The following GOLPH3L variants were observed in gnomAD, a reference collection of about 807,000 sequenced individuals.
GOLPH3L encodes the protein golgi phosphoprotein 3 like.
GOLPH3L carries 22 observed loss-of-function variants against 30.3 expected under a neutral mutation model. The ratio of observed to expected loss-of-function variants is 0.73; its 90% CI spans 0.52 to 1.04. The LOEUF (loss-of-function observed/expected upper bound fraction) is 1.04, where lower values mean the gene tolerates loss of function less well. GOLPH3L is among the 50% of genes least tolerant of loss of function. The pLI, the probability that GOLPH3L is intolerant of heterozygous loss-of-function variation, is 0.00. For missense variants in GOLPH3L, 303 were observed against 345.8 expected, an observed-to-expected ratio of 0.88 and a Z score of 0.98; for synonymous variants, 120 against 128.2, an observed-to-expected ratio of 0.94 and a Z score of 0.43.
chr1:150,697,139 A>C lies in GOLPH3L; in HGVS notation c.-160T>G, dbSNP rs1651382799. The C allele has an allele frequency of 6.6e-6, 1 of 151,692 alleles. No individual in the cohort carries two copies. Among genetic ancestry groups the C allele is most frequent in the South Asian group, 2.1e-4 (1 of 4,808 alleles). The allele number at this position is 151,692 out of a possible 1,614,324, so 9.4% of individuals were successfully genotyped here. ...CACAAACTTCCTGATCCTTCGATGC[A>C]GAGAAGGAATAACACATCAGCTTCC... On this transcript the variant is annotated 5_prime_UTR_variant, in exon 1 of 5. Transcript: ENST00000271732.
rs1047824635 is a variant in GOLPH3L, at chr1:150,652,410, C to G, written c.431-3662G>C. Among the ~76,000 whole-genome samples the G allele has an allele frequency of 2.5e-5, 3 of 118,546 alleles. No individual in the cohort carries two copies. In the Admixed American group the frequency reaches 2.6e-4, roughly 10 times the overall value. The allele number at this position is 118,546 out of a possible 152,430, so 77.8% of individuals were successfully genotyped here. A position where few individuals can be genotyped will look rare whatever the true frequency, so the allele number is the denominator to read the frequency against. On this transcript the variant is annotated intron_variant, in intron 4 of 4. Transcript: ENST00000271732. ...AAAAAAAAAAAAAAAAAAAAAAAAC[C>G]CTAAAAAAAACAAAACAAAAATGAA...
intron 4 of GOLPH3L, 111 bp downstream of exon 4, chr1:150,661,703 C>T (rs1650370387): frequency 1.6e-6 from 1 of 636,332 alleles, no homozygotes; most frequent in Admixed American, 2.4e-5. Flanking sequence ...AAATAGTGAA[C>T]CACATCTATC....
chr1:150,689,610 T>C (rs1651164333), intron 2 of GOLPH3L, among the ~76,000 whole-genome samples: 1 of 152,302 alleles, frequency 6.6e-6, no homozygotes, highest in East Asian at 1.9e-4. Flanking sequence ...AATTTCTTGA[T>C]TGTTTTCATA....
chr1:150,676,706 C>T (rs1004605979), intron 2 of GOLPH3L, among the ~76,000 whole-genome samples: 5 of 146,512 alleles, frequency 3.4e-5, no homozygotes, highest in South Asian at 2.1e-4. Flanking sequence ...TGCAATGGCT[C>T]GATCTTGGCT....
intron 2 of GOLPH3L, among the ~76,000 whole-genome samples, chr1:150,689,899 A>G (rs1446325588): frequency 6.6e-6 from 1 of 151,996 alleles, no homozygotes; most frequent in African/African-American, 2.4e-5. Flanking sequence ...CAAACCTCCC[A>G]AAGTGCTGGG....
intron 2 of GOLPH3L, among the ~76,000 whole-genome samples, chr1:150,666,573 G>C (rs1486642829): frequency 1.3e-5 from 2 of 151,928 alleles, no homozygotes; most frequent in Non-Finnish European, 2.9e-5. Flanking sequence ...CCTGACCTCA[G>C]GTGATCTGCC....
chr1:150,694,901 A>G, intron 1 of GOLPH3L, 51 bp from the exon 2 acceptor site: 1 of 951,772 alleles, frequency 1.1e-6, no homozygotes, highest in Non-Finnish European at 1.6e-6. Context: ...ATGTAAATAA[A>G]TCATATATTC....
intron 4 of GOLPH3L, among the ~76,000 whole-genome samples, chr1:150,658,169 T>C (rs1250009957): frequency 6.6e-6 from 1 of 152,234 alleles, no homozygotes; most frequent in African/African-American, 2.4e-5. Flanking sequence ...TCGAGACTGA[T>C]GCTGAGGAGG....
intron 2 of GOLPH3L, among the ~76,000 whole-genome samples, chr1:150,670,361 G>A (rs747618964): frequency 7.9e-5 from 12 of 152,190 alleles, no homozygotes; most frequent in Non-Finnish European, 1.6e-4. Flanking sequence ...ACTTTGGGAG[G>A]CTGAGGCGAG....
At chr1:150,673,985 C>T (rs1304176144) in intron 2 of GOLPH3L, among the ~76,000 whole-genome samples, 1 of 151,744 alleles carries the variant, frequency 6.6e-6, no homozygotes, top group African/African-American at 2.4e-5. Context: ...GTCTATCTCC[C>T]CACAACTCAC....
chr1:150,662,015 T>C (rs1650379546), intron 3 of GOLPH3L, 87 bp from the exon 4 acceptor site: 1 of 735,334 alleles, frequency 1.4e-6, no homozygotes, highest in South Asian at 1.4e-5. Flanking sequence ...ATGTTACTGG[T>C]TAAAAATTGC....
intron 4 of GOLPH3L, among the ~76,000 whole-genome samples, chr1:150,660,617 T>C (rs946243157): frequency 1.3e-5 from 2 of 152,172 alleles, no homozygotes; most frequent in African/African-American, 4.8e-5. Context: ...GGAATGAAAT[T>C]TTGATATATG....
rs1449596174 is a variant in GOLPH3L, at chr1:150,697,112, A to T, written c.-133T>A. The T allele has an allele frequency of 6.6e-6, 1 of 151,082 alleles. No homozygotes were observed. Among genetic ancestry groups the T allele is most frequent in the Non-Finnish European group, 1.5e-5 (1 of 67,836 alleles). 9.4% of individuals were successfully genotyped at this position (151,082 alleles called of 1,614,324 possible). ...AGGTGAAAAACTTAGCCACGCAGAG[A>T]GCACAAACTTCCTGATCCTTCGATG... On this transcript the variant is annotated 5_prime_UTR_variant, in exon 1 of 5. Coordinates refer to ENST00000271732, the MANE Select transcript of GOLPH3L (RefSeq NM_018178.6).
chr1:150,669,987 G>A (rs1341232026), intron 2 of GOLPH3L, among the ~76,000 whole-genome samples: 1 of 147,432 alleles, frequency 6.8e-6, no homozygotes, highest in African/African-American at 2.5e-5. Context: ...CAGGCCCGGC[G>A]TGGTCGCTCA....
At chr1:150,694,604 A>C (rs769732192) in intron 2 of GOLPH3L, 52 bp downstream of exon 2, 7 of 1,130,474 alleles carry the variant, frequency 6.2e-6, no homozygotes, top group Non-Finnish European at 8.9e-6. Flanking sequence ...TTCCTAAAAC[A>C]TTCCAATATT....
chr1:150,649,879 C>T (rs780435338), intron 4 of GOLPH3L, among the ~76,000 whole-genome samples: 1 of 151,988 alleles, frequency 6.6e-6, no homozygotes, highest in Non-Finnish European at 1.5e-5. Context: ...CGCCTGTAGT[C>T]CCAGCTACTT....
intron 2 of GOLPH3L, among the ~76,000 whole-genome samples, chr1:150,685,670 G>T (rs1323535703): frequency 6.6e-6 from 1 of 151,844 alleles, no homozygotes; most frequent in Non-Finnish European, 1.5e-5. Context: ...GGTTGAGATC[G>T]CACCGCTGCA....
At chr1:150,664,263 G>A (rs746581770) in intron 2 of GOLPH3L, among the ~76,000 whole-genome samples, 7 of 152,008 alleles carry the variant, frequency 4.6e-5, no homozygotes, top group South Asian at 2.1e-4. Context: ...CTTGGCCTCC[G>A]AAAGTGTTGG....
chr1:150,683,916 T>C (rs1212889108), intron 2 of GOLPH3L, among the ~76,000 whole-genome samples: 1 of 152,104 alleles, frequency 6.6e-6, no homozygotes, highest in Non-Finnish European at 1.5e-5. Context: ...TGAGCTGAAT[T>C]GTGTCCCCTC....
Sources: allele counts gnomAD v4.1 joint callset (sites outside exome capture counted in the v4.1 genomes callset), GRCh38; gene constraint gnomAD v4.1.1; transcripts MANE v1.5; gene names NCBI Gene and HGNC (gene_info 2026-07-23, HGNC 2026-07-21).